The following TCF12 variants were observed in gnomAD, a reference collection of about 807,000 sequenced individuals.
TCF12 encodes transcription factor 12, also known as DNA-binding protein HTF4.
TCF12 carries 45 observed loss-of-function variants against 86.0 expected under a neutral mutation model. The ratio of observed to expected loss-of-function variants is 0.52; its 90% CI spans 0.41 to 0.67. TCF12 has a LOEUF of 0.67. TCF12 is among the 30% of genes least tolerant of loss of function. TCF12 has a pLI of 0.00. For missense variants in TCF12, 881 were observed against 859.9 expected (o/e 1.02, Z -0.31); for synonymous variants, 330 against 299.6 (o/e 1.10, Z -1.05).
intron 8 of TCF12, among the ~76,000 whole-genome samples, chr15:57,203,795 G>A (rs2057674507): frequency 6.6e-6 from 1 of 152,154 alleles, no homozygotes; most frequent in African/African-American, 2.4e-5. Flanking sequence ...TCCCAAGGCA[G>A]GAGGATCACT....
chr15:57,179,148 T>C (rs2056160884), intron 6 of TCF12, among the ~76,000 whole-genome samples: 1 of 152,212 alleles, frequency 6.6e-6, no homozygotes, highest in Non-Finnish European at 1.5e-5. Context: ...GTTTTAGCAC[T>C]GTAATATTAC....
chr15:57,131,430 ATTG>A (rs1230756712), intron 5 of TCF12, among the ~76,000 whole-genome samples: 1 of 152,192 alleles, frequency 6.6e-6, no homozygotes, highest in Admixed American at 6.5e-5. Flanking sequence ...GGTGGGTAAC[ATTG>A]TACCATTTTT....
intron 3 of TCF12, among the ~76,000 whole-genome samples, chr15:56,990,151 CTTTT>C (rs372235874): frequency 8.6e-5 from 8 of 92,724 alleles, no homozygotes; most frequent in African/African-American, 1.9e-4. Flanking sequence ...ATAGTCTTGT[CTTTT>C]TTTTTTTTTT....
intron 5 of TCF12, among the ~76,000 whole-genome samples, chr15:57,092,936 T>C (rs2049082832): frequency 6.6e-6 from 1 of 152,194 alleles, no homozygotes. Context: ...TTAAAATGAT[T>C]TGCTTTGCAC....
chr15:57,199,799 G>T (rs1370432993), intron 8 of TCF12, among the ~76,000 whole-genome samples: 2 of 152,102 alleles, frequency 1.3e-5, no homozygotes, highest in East Asian at 3.8e-4. Flanking sequence ...TGTTATTAAG[G>T]ATGTATAAAT....
chr15:56,941,654 C>T (rs990814623), intron 3 of TCF12, among the ~76,000 whole-genome samples: 1 of 150,492 alleles, frequency 6.6e-6, no homozygotes, highest in Admixed American at 6.6e-5. Flanking sequence ...GGATTACAGG[C>T]GTGAGTCACG....
At chr15:56,957,161 G>C (rs1336697582) in intron 3 of TCF12, among the ~76,000 whole-genome samples, 1 of 152,074 alleles carries the variant, frequency 6.6e-6, no homozygotes, top group Non-Finnish European at 1.5e-5. Context: ...CTTGATCTTG[G>C]ATATCCAAGC....
chr15:57,166,553 A>ATCT, intron 6 of TCF12, 87 bp downstream of exon 6: 1 of 1,168,916 alleles, frequency 8.6e-7, no homozygotes, highest in East Asian at 2.5e-5. Context: ...GAAATTATCC[A>ATCT]ATTTATTTCA....
chr15:56,958,329 G>A lies in TCF12; in HGVS notation c.148+37231G>A, dbSNP rs573143932. On this transcript the variant is annotated intron_variant, in intron 3 of 20. Coordinates refer to ENST00000333725, the MANE Select transcript of TCF12 (RefSeq NM_207037.2). ...CATCTAATTTGTTTCTTTTCCCTTAGAGATGACTGTCCTTTGTTGCCTGTT... is the reference window on the plus strand; with the variant it reads ...CATCTAATTTGTTTCTTTTCCCTTAAAGATGACTGTCCTTTGTTGCCTGTT... Among the ~76,000 whole-genome samples the A allele has an allele frequency of 2.0e-5, 3 of 152,226 alleles. No individual in the cohort carries two copies. The South Asian group carries it at 6.2e-4, about 32-fold the overall frequency.
At chr15:56,957,784 C>T (rs1234455188) in intron 3 of TCF12, among the ~76,000 whole-genome samples, 4 of 151,876 alleles carry the variant, frequency 2.6e-5, no homozygotes, top group South Asian at 2.1e-4. Context: ...TGCTGAGTGC[C>T]GTATATTTTT....
At chr15:56,946,689 G>A (rs1286061232) in intron 3 of TCF12, among the ~76,000 whole-genome samples, 2 of 149,324 alleles carry the variant, frequency 1.3e-5, no homozygotes, top group Admixed American at 1.3e-4. Context: ...GTCATTTTTT[G>A]TTTTTTAGAG....
intron 6 of TCF12, among the ~76,000 whole-genome samples, chr15:57,184,851 C>T (rs1414439850): frequency 2.6e-5 from 4 of 152,102 alleles, no homozygotes; most frequent in African/African-American, 9.7e-5. Flanking sequence ...TCACATAACA[C>T]CATCAGAAAA....
At chr15:56,947,543 G>T (rs1421309843) in intron 3 of TCF12, among the ~76,000 whole-genome samples, 1 of 152,084 alleles carries the variant, frequency 6.6e-6, no homozygotes, top group African/African-American at 2.4e-5. Flanking sequence ...TCAGGATGAT[G>T]GTAGAGTTCA....
chr15:57,181,680 G>C (rs1354727386), intron 6 of TCF12, among the ~76,000 whole-genome samples: 1 of 152,214 alleles, frequency 6.6e-6, no homozygotes, highest in Non-Finnish European at 1.5e-5. Context: ...TACAGATGAA[G>C]AGGGAGAAAA....
intron 5 of TCF12, among the ~76,000 whole-genome samples, chr15:57,133,393 T>C (rs951734253): frequency 3.2e-4 from 49 of 152,308 alleles, no homozygotes; most frequent in African/African-American, 1.1e-3. Context: ...TTGTATCCTC[T>C]AGTGAATGAA....
chr15:57,018,010 T>C (rs1194229346), intron 3 of TCF12, among the ~76,000 whole-genome samples: 1 of 152,150 alleles, frequency 6.6e-6, no homozygotes, highest in African/African-American at 2.4e-5. Context: ...GGTGTTACTG[T>C]TGAATTTTAC....
intron 19 of TCF12, 51 bp from the exon 20 acceptor site, chr15:57,282,394 T>C: frequency 6.2e-7 from 1 of 1,609,322 alleles, no homozygotes; most frequent in Non-Finnish European, 8.5e-7. Context: ...GCTTGAGACC[T>C]AATTCATAAC....
intron 5 of TCF12, among the ~76,000 whole-genome samples, chr15:57,164,399 A>G (rs1360158765): frequency 6.6e-6 from 1 of 152,222 alleles, no homozygotes; most frequent in Admixed American, 6.5e-5. Context: ...ACTTACAGTC[A>G]TGGCAGAAGG....
intron 6 of TCF12, among the ~76,000 whole-genome samples, chr15:57,172,777 T>C (rs1465361004): frequency 2.0e-5 from 3 of 152,012 alleles, no homozygotes; most frequent in Non-Finnish European, 4.4e-5. Flanking sequence ...GAATCTAAAA[T>C]ACAAGTTTAG....
Sources: allele counts gnomAD v4.1 joint callset (sites outside exome capture counted in the v4.1 genomes callset), GRCh38; gene constraint gnomAD v4.1.1; transcripts MANE v1.5; gene names NCBI Gene and HGNC (gene_info 2026-07-23, HGNC 2026-07-21).